The following CNGB1 variants were observed in gnomAD, a reference collection of about 807,000 sequenced individuals.
CNGB1 encodes the protein cyclic nucleotide gated channel subunit beta 1.
A neutral mutation model predicts 151.7 loss-of-function variants in CNGB1; 126 were observed. The ratio of observed to expected loss-of-function variants is 0.83; its 90% confidence interval spans 0.72 to 0.96. CNGB1 has a LOEUF of 0.96. Among genes scored for constraint, CNGB1 ranks in the 40% least tolerant of loss-of-function variants. CNGB1 has a pLI of 0.00. For synonymous variants in CNGB1, 623 were observed against 635.1 expected, an observed-to-expected ratio of 0.98 and a Z score of 0.29; for missense variants, 1,698 against 1,627.0, an observed-to-expected ratio of 1.04 and a Z score of -0.75.
intron 32 of CNGB1, 90 bp downstream of exon 32, chr16:57,887,765 T>A: frequency 7.8e-7 from 1 of 1,281,206 alleles, no homozygotes; most frequent in Non-Finnish European, 1.1e-6. Flanking sequence ...ACCCTAAAAC[T>A]AAATGTGTGG....
At chr16:57,964,646 A>C in intron 2 of CNGB1, 102 bp from the exon 3 acceptor site, 12 of 1,069,812 alleles carry the variant, frequency 1.1e-5, no homozygotes, top group Middle Eastern at 2.0e-4. Context: ...CCCACAAAAG[A>C]CCTGAACGAC....
At chr16:57,957,478 C>T (rs895380776) in intron 11 of CNGB1, 101 bp from the exon 12 acceptor site, 47 of 985,130 alleles carry the variant, frequency 4.8e-5, no homozygotes, top group South Asian at 2.2e-4. Flanking sequence ...CCCACCTCTC[C>T]GGGCCTTAGT....
intron 16 of CNGB1, among the ~76,000 whole-genome samples, chr16:57,934,956 CAAAA>C (rs35264442): frequency 1.3e-5 from 1 of 77,892 alleles, no homozygotes; most frequent in African/African-American, 3.3e-5. Flanking sequence ...GATTCTGTCT[CAAAA>C]AAAAAAAAAA....
At position 57,934,390 on chromosome 16, in the gene CNGB1, C is replaced by T. The variant is rs540803690; in HGVS notation, c.1373-2512G>A. Among the ~76,000 whole-genome samples, 8 of 152,094 alleles carry T rather than the reference C, an allele frequency of 5.3e-5. 1 individual carries two copies. The South Asian group carries it at 1.0e-3, about 20-fold the overall frequency. ...TAGAACCTGCAATGAGTCAAGATCG[C>T]GCCTACTACACTCCAGCCTTAGCGA... On this transcript the variant is annotated intron_variant, in intron 16 of 32. Transcript: ENST00000251102.
chr16:57,891,203 A>G (rs1163199031), intron 31 of CNGB1, among the ~76,000 whole-genome samples: 1 of 152,232 alleles, frequency 6.6e-6, no homozygotes, highest in East Asian at 1.9e-4. Context: ...GTTTTCAGTC[A>G]TAAGCAGTTG....
Position 57,964,129 on chromosome 16 carries a change from C to T in CNGB1, c.290+1G>A, listed in dbSNP as rs1167613754. The T allele has an allele frequency of 1.9e-6, 3 of 1,613,940 alleles. No homozygotes were observed. Among genetic ancestry groups the T allele is most frequent in the Non-Finnish European group, 2.5e-6 (3 of 1,179,882 alleles). ...GAAGAGAGGGGAGGGTGGTGCAGTACCTATTCATTTCAGAAATCTCAGCGC... is the reference window on the plus strand; with the variant it reads ...GAAGAGAGGGGAGGGTGGTGCAGTATCTATTCATTTCAGAAATCTCAGCGC... On this transcript the variant is annotated splice_donor_variant, in intron 4 of 32. Transcript: ENST00000251102. LOFTEE classifies it high-confidence loss of function.
chr16:57,965,351 T>G (rs1962366885), intron 2 of CNGB1, among the ~76,000 whole-genome samples: 1 of 152,186 alleles, frequency 6.6e-6, no homozygotes, highest in Admixed American at 6.5e-5. Context: ...GTGCATACAG[T>G]CATATGCAAA....
chr16:57,913,203 C>G (rs1291344781), intron 23 of CNGB1, among the ~76,000 whole-genome samples: 1 of 152,166 alleles, frequency 6.6e-6, no homozygotes, highest in Non-Finnish European at 1.5e-5. Context: ...AGCCCGTCTT[C>G]CCTTGGAAAT....
At chr16:57,968,575 C>A (rs535194326) in intron 1 of CNGB1, among the ~76,000 whole-genome samples, 1 of 148,382 alleles carries the variant, frequency 6.7e-6, no homozygotes, top group East Asian at 2.0e-4. Context: ...TAAATGTTGA[C>A]TATGACTATT....
rs948230750 is a variant in CNGB1, at chr16:57,882,934, G to A, written c.*1230C>T. On this transcript the variant is annotated 3_prime_UTR_variant, in exon 33 of 33. Coordinates refer to ENST00000251102, the MANE Select transcript of CNGB1 (RefSeq NM_001297.5). ...AAGTTGCTGCCACCATCTCTACAGC[G>A]AGAGTGTCAAAAGTGAGTAACGGAC... 3 of 152,022 alleles carry A rather than the reference G, an allele frequency of 2.0e-5. No individual in the cohort carries two copies. The highest frequency in any genetic ancestry group is 4.4e-5 in the Non-Finnish European group (3 of 68,022). 9.4% of individuals were successfully genotyped at this position (152,022 alleles called of 1,614,324 possible). A position where few individuals can be genotyped will look rare whatever the true frequency, so the allele number is the denominator to read the frequency against.
Position 57,884,362 on chromosome 16 carries a change from G to A in CNGB1, c.3558C>T (p.Pro1186=), listed in dbSNP as rs1489488677. 2 of 1,611,190 alleles carry A rather than the reference G, an allele frequency of 1.2e-6. No individual in the cohort carries two copies. The highest frequency in any genetic ancestry group is 2.2e-5 in the East Asian group (1 of 44,756). Residue 1186 remains proline, a synonymous_variant, in exon 33 of 33, where the codon CCC becomes CCT. Coordinates refer to ENST00000251102, the MANE Select transcript of CNGB1 (RefSeq NM_001297.5). ...PKEAATDPPA[P]RTPPEPPGSP... The stretch of plus-strand genomic sequence containing the variant: ...ACCCCGGGGGCTCGGGGGGCGTCCG[G>A]GGCGCGGGTGGGTCGGTGGCGGCCT...
chr16:57,889,065 C>T (rs1960015448), intron 31 of CNGB1, among the ~76,000 whole-genome samples: 2 of 152,188 alleles, frequency 1.3e-5, no homozygotes, highest in African/African-American at 2.4e-5. Flanking sequence ...TTTAAACAAT[C>T]GAATACAACA....
chr16:57,969,435 G>A (rs886856068), intron 1 of CNGB1, among the ~76,000 whole-genome samples: 3 of 152,144 alleles, frequency 2.0e-5, no homozygotes, highest in Admixed American at 1.3e-4. Flanking sequence ...TGGGCAACAT[G>A]ATGAAACCCT....
chr16:57,949,566 C>A, intron 13 of CNGB1, 127 bp from the exon 14 acceptor site: 1 of 1,515,362 alleles, frequency 6.6e-7, no homozygotes, highest in Non-Finnish European at 9.1e-7. Context: ...CCAACCAAGG[C>A]TCAACCTGGG....
rs536264127 is a variant in CNGB1, at chr16:57,901,337, G to T, written c.2976+15C>A. ...GTGAACCCCAGATCCCGTGGTGGCT[G>T]CCAGGCCAGCTCACCTTCTTGCACA... On this transcript the variant is annotated intron_variant, in intron 29 of 32. Transcript: ENST00000251102. 1.2e-6 allele frequency: 2 copies of T among 1,613,138 alleles called. No individual in the cohort carries two copies. Among genetic ancestry groups the T allele is most frequent in the African/African-American group, 2.7e-5 (2 of 74,910 alleles).
At chr16:57,896,713 AAAATAAATAAATAAAT>A (rs3038249) in intron 31 of CNGB1, among the ~76,000 whole-genome samples, 101 of 137,040 alleles carry the variant, frequency 7.4e-4, no homozygotes, top group Admixed American at 1.0e-3. Flanking sequence ...ACTCTGTCTC[AAAATAAATAAATAAAT>A]AAATAAATAA....
At chr16:57,959,201 T>C (rs1267685205) in intron 10 of CNGB1, among the ~76,000 whole-genome samples, 2 of 152,028 alleles carry the variant, frequency 1.3e-5, no homozygotes, top group African/African-American at 4.8e-5. Flanking sequence ...AAATGTCCAC[T>C]GAGTGGTTAA....
chr16:57,919,194 A>G lies in CNGB1; in HGVS notation c.1862T>C (p.Val621Ala), dbSNP rs758668477. Residue 621 changes from valine (V) to alanine (A), a missense_variant, in exon 20 of 33, where the codon GTG becomes GCG. Val to Ala is a moderately conservative substitution (Grantham distance 64, BLOSUM62 0). Coordinates refer to ENST00000251102, the MANE Select transcript of CNGB1 (RefSeq NM_001297.5). ...CATGTCGCAATAGTGCTCCTCTTCCACTGGCTCGGCTTCAGCGGGCTTTGT... is the reference window on the plus strand; with the variant it reads ...CATGTCGCAATAGTGCTCCTCTTCCGCTGGCTCGGCTTCAGCGGGCTTTGT... ...PDTKPAEAEP[V>A]EEEHYCDMLC... The G allele has an allele frequency of 2.7e-5, 44 of 1,614,030 alleles. No homozygotes were observed. The highest frequency in any genetic ancestry group is 3.6e-5 in the Non-Finnish European group (43 of 1,180,018).
intron 10 of CNGB1, 125 bp downstream of exon 10, chr16:57,959,762 CT>C (rs1962189664): frequency 8.2e-7 from 1 of 1,215,748 alleles, no homozygotes; most frequent in East Asian, 2.8e-5. Context: ...ATGTGGCTGC[CT>C]TGGGAAGGAG....
Sources: allele counts gnomAD v4.1 joint callset (sites outside exome capture counted in the v4.1 genomes callset), GRCh38; gene constraint gnomAD v4.1.1; transcripts MANE v1.5; gene names NCBI Gene and HGNC (gene_info 2026-07-23, HGNC 2026-07-21).